Variants in KANK1 observed in about 807,000 individuals in gnomAD.
KANK1 encodes KN motif and ankyrin repeat domain-containing protein 1.
Under a neutral mutation model 106.2 loss-of-function variants are expected in KANK1, and 109 were observed. The observed-to-expected ratio is 1.03, with a 90% CI of 0.88 to 1.20. KANK1 has a LOEUF of 1.20. Ranked by LOEUF, KANK1 falls within the 50% of genes most tolerant of loss-of-function variation. The probability of loss-of-function intolerance (pLI) is 0.00; values close to 1 mark genes in which losing one functional copy is unlikely to be tolerated. For missense variants in KANK1, 2,399 were observed against 1,710.7 expected, an observed-to-expected ratio of 1.40 and a Z score of -7.10; for synonymous variants, 873 against 652.2, an observed-to-expected ratio of 1.34 and a Z score of -5.16.
intron 9 of KANK1, among the ~76,000 whole-genome samples, chr9:741,524 GTC>G (rs1835520161): frequency 7.3e-6 from 1 of 136,860 alleles, no homozygotes; most frequent in South Asian, 2.3e-4. Flanking sequence ...GTCTCATTCT[GTC>G]ACCCAGGCTG....
intron 8 of KANK1, among the ~76,000 whole-genome samples, chr9:740,392 T>G (rs1835098201): frequency 6.6e-6 from 1 of 152,166 alleles, no homozygotes; most frequent in African/African-American, 2.4e-5. Flanking sequence ...ACGTAAGCGT[T>G]TGCAAACACT....
Position 498,343 on chromosome 9 carries a change from G to A in KANK1, c.-362+25070G>A, listed in dbSNP as rs7019412. On this transcript the variant is annotated intron_variant, in intron 3 of 15. Coordinates refer to the KANK1 transcript ENST00000382303. ...TCTTTAACTACAAAGCTTGTATAACGCGTGGTCATGTTCAGTATTAATACT... is the reference window on the plus strand; with the variant it reads ...TCTTTAACTACAAAGCTTGTATAACACGTGGTCATGTTCAGTATTAATACT... 7.6e-3 allele frequency among the ~76,000 whole-genome samples: 1,161 copies of A among 152,236 alleles called. 17 individuals carry two copies. The highest frequency in any genetic ancestry group is 0.025 in the African/African-American group (1,050 of 41,520).
intron 1 of KANK1, among the ~76,000 whole-genome samples, chr9:601,182 C>T (rs1827654604): frequency 6.6e-6 from 1 of 151,830 alleles, no homozygotes; most frequent in Admixed American, 6.5e-5. Context: ...CCATACCCTT[C>T]ACTCAGTTTC....
intron 2 of KANK1, among the ~76,000 whole-genome samples, chr9:704,347 C>T (rs904320088): frequency 6.6e-6 from 1 of 152,212 alleles, no homozygotes; most frequent in African/African-American, 2.4e-5. Context: ...TCCTCCACCC[C>T]TAGATATGAA....
chr9:655,602 C>T (rs1461748850), intron 1 of KANK1, among the ~76,000 whole-genome samples: 1 of 152,086 alleles, frequency 6.6e-6, no homozygotes, highest in Non-Finnish European at 1.5e-5. Context: ...TCAAGTCAGG[C>T]AGATGCTGCT....
chr9:525,340 T>C (rs1027070256), intron 1 of KANK1, among the ~76,000 whole-genome samples: 2 of 144,936 alleles, frequency 1.4e-5, no homozygotes, highest in Non-Finnish European at 3.0e-5. Context: ...TGACAGAATA[T>C]GTATACATAC....
At chr9:484,455 A>G (rs1788863330) in intron 3 of KANK1, 1 of 152,124 alleles carries the variant, frequency 6.6e-6, no homozygotes, top group South Asian at 2.1e-4. Flanking sequence ...TTTTGTTGTG[A>G]TTTTGCCATT....
intron 1 of KANK1, among the ~76,000 whole-genome samples, chr9:647,902 C>T (rs775539981): frequency 7.3e-5 from 11 of 150,436 alleles, no homozygotes; most frequent in Non-Finnish European, 1.5e-4. Context: ...CACTAAAGGA[C>T]CCGGTTGACC....
chr9:504,234 C>T (rs1056248832), upstream of KANK1, among the ~76,000 whole-genome samples: 4 of 152,272 alleles, frequency 2.6e-5, no homozygotes, highest in East Asian at 1.9e-4. Context: ...GATTTCTTCT[C>T]CCCTTGCGGG....
rs773604003 is a variant in KANK1 at position 710,922 on chromosome 9, A to G, written c.156A>G (p.Ile52Met). 14 of 1,614,202 alleles carry G rather than the reference A, an allele frequency of 8.7e-6. No homozygotes were observed. Among genetic ancestry groups the G allele is most frequent in the Non-Finnish European group, 1.1e-5 (13 of 1,180,036 alleles). Residue 52 changes from isoleucine (I) to methionine (M), a missense_variant, in exon 3 of 12, where the codon ATA becomes ATG. By Grantham distance (10) the Ile-to-Met change is conservative. Transcript: ENST00000382297. ...DLDFLKYVDD[I>M]QKGNTIKRLN... The stretch of plus-strand genomic sequence containing the variant: ...ATTTCCTCAAATATGTGGATGACAT[A>G]CAGAAGGGAAATACCATCAAAAGAC...
Position 742,274 on chromosome 9 carries a change from T to C in KANK1, c.3766T>C (p.Cys1256Arg), listed in dbSNP as rs766475674. The change falls in exon 10 of 12, where the codon TGT (cysteine) becomes CGT (arginine). Residue 1256 changes from cysteine (C) to arginine (R), a missense_variant. Coordinates refer to ENST00000382297, the MANE Select transcript of KANK1 (RefSeq NM_015158.5). ...AGACATGGTGAAGGGCCTTCTGGCC[T>C]GTGGGGCTGATGTCAACATCCAGGA... ...RIDMVKGLLACGADVNIQDDE... is the reference protein window; with the variant it reads ...RIDMVKGLLARGADVNIQDDE... 1.2e-6 allele frequency: 2 copies of C among 1,614,090 alleles called. No homozygotes were observed. Among genetic ancestry groups the C allele is most frequent in the South Asian group, 2.2e-5 (2 of 91,090 alleles).
chr9:490,068 T>A (rs747652287), intron 3 of KANK1, among the ~76,000 whole-genome samples: 1 of 152,222 alleles, frequency 6.6e-6, no homozygotes, highest in Non-Finnish European at 1.5e-5. Flanking sequence ...ATAGGGTCAC[T>A]CTCTGGGGAA....
chr9:704,325 C>CT (rs1823453526), intron 2 of KANK1, among the ~76,000 whole-genome samples: 1 of 152,204 alleles, frequency 6.6e-6, no homozygotes, highest in South Asian at 2.1e-4. Context: ...CAAGTTCCTT[C>CT]TAGTACATCG....
At chr9:570,945 C>G (rs567629840) in intron 1 of KANK1, among the ~76,000 whole-genome samples, 1 of 152,086 alleles carries the variant, frequency 6.6e-6, no homozygotes, top group Non-Finnish European at 1.5e-5. Flanking sequence ...TTTTTTTGAA[C>G]ATCATTTTCT....
rs544940073 is a variant in KANK1 at position 738,622 on chromosome 9, G to T, written c.3553+118G>T. 80 of 785,588 alleles carry T rather than the reference G, an allele frequency of 1.0e-4. 1 individual carries two copies. In the South Asian group the frequency reaches 1.3e-3, roughly 13 times the overall value. The allele number at this position is 785,588 out of a possible 1,614,324, so 48.7% of individuals were successfully genotyped here. On this transcript the variant is annotated intron_variant, in intron 8 of 11. Transcript: ENST00000382297. Reference sequence around the variant, plus strand: ...TGACCATGCTAAAATCCTTTTTATTGCTTTTCCACATGACATGGCAAGAAT... The same window carrying T: ...TGACCATGCTAAAATCCTTTTTATTTCTTTTCCACATGACATGGCAAGAAT...
intron 1 of KANK1, among the ~76,000 whole-genome samples, chr9:655,582 C>G (rs1319305524): frequency 2.0e-5 from 3 of 152,100 alleles, no homozygotes; most frequent in African/African-American, 7.2e-5. Context: ...CAAAATGCTG[C>G]TTTTTTAAAT....
At chr9:555,875 T>C in intron 1 of KANK1, among the ~76,000 whole-genome samples, 1 of 152,250 alleles carries the variant, frequency 6.6e-6, no homozygotes, top group East Asian at 1.9e-4. Flanking sequence ...ACCCCTTCTG[T>C]TTAAATAAAA....
At chr9:737,771 A>T (rs1807445155) in intron 7 of KANK1, among the ~76,000 whole-genome samples, 1 of 152,204 alleles carries the variant, frequency 6.6e-6, no homozygotes, top group Non-Finnish European at 1.5e-5. Flanking sequence ...TTTGGTCTGG[A>T]TAGGAAGGAA....
intron 1 of KANK1, among the ~76,000 whole-genome samples, chr9:544,305 G>C (rs1312856149): frequency 1.3e-5 from 2 of 152,158 alleles, no homozygotes; most frequent in African/African-American, 4.8e-5. Context: ...GTACAGGCAA[G>C]AGCCACTGCA....
Sources: allele counts gnomAD v4.1 joint callset (sites outside exome capture counted in the v4.1 genomes callset), GRCh38; gene constraint gnomAD v4.1.1; transcripts MANE v1.5; gene names NCBI Gene and HGNC (gene_info 2026-07-23, HGNC 2026-07-21).